The following NOP14 variants were observed in gnomAD, a reference collection of about 807,000 sequenced individuals.
NOP14 encodes NOP14 nucleolar protein.
A neutral mutation model predicts 101.6 loss-of-function variants in NOP14; 57 were observed. That is an observed-to-expected ratio of 0.56 (90% CI 0.45 to 0.70). The LOEUF (loss-of-function observed/expected upper bound fraction) is 0.70, where lower values mean the gene tolerates loss of function less well. NOP14 is among the 30% of genes least tolerant of loss of function. The pLI, the probability that NOP14 is intolerant of heterozygous loss-of-function variation, is 0.00. For synonymous variants in NOP14, 428 were observed against 424.0 expected (o/e 1.01, Z -0.12); for missense variants, 1,134 against 1,075.5 (o/e 1.05, Z -0.76).
chr4:2,953,833 C>A (rs1208629406), intron 4 of NOP14, among the ~76,000 whole-genome samples, 188 bp from the exon 5 acceptor site: 9 of 152,168 alleles, frequency 5.9e-5, no homozygotes, highest in African/African-American at 2.2e-4. Flanking sequence ...AGACGGAAAT[C>A]TTTTCCTGCC....
Position 2,950,101 on chromosome 4 carries a change from T to G in NOP14, c.1115A>C (p.Glu372Ala). The G allele has an allele frequency of 6.2e-7, 1 of 1,614,128 alleles. No homozygotes were observed. The highest frequency in any genetic ancestry group is 1.1e-5 in the South Asian group (1 of 91,082). ...CAAGTGGCTATCTGGGCTGTCGCTC[T>G]CCTCTGTGTCCTCCCCGCCTGAACT... Reference protein sequence around the residue: ...GDSSGGEDTEESDSPDSHLDL... With the variant: ...GDSSGGEDTEASDSPDSHLDL... The change falls in exon 8 of 18, where the codon GAG (glutamate) becomes GCG (alanine). Residue 372 changes from glutamate (E) to alanine (A), a missense_variant. By Grantham distance (107) the Glu-to-Ala change is moderately radical. Transcript: ENST00000416614.
Position 2,942,201 on chromosome 4 carries a change from T to C in NOP14, c.2042A>G (p.Asn681Ser). Residue 681 changes from asparagine to serine, a missense_variant, in exon 14 of 18, where the codon AAT becomes AGT. By Grantham distance (46) the Asn-to-Ser change is conservative (BLOSUM62 1). Transcript: ENST00000416614. ...GGGTCCCCTCACATACCGGATGTGA[T>C]TGGCCTCTGTCGAAGTTGGGGCCCT... Reference protein sequence around the residue: ...RLRAPTSTEANHIRLSCLAVG... With the variant: ...RLRAPTSTEASHIRLSCLAVG... 2 of 1,614,006 alleles carry C rather than the reference T, an allele frequency of 1.2e-6. No individual in the cohort carries two copies. The highest frequency in any genetic ancestry group is 1.7e-6 in the Non-Finnish European group (2 of 1,179,944).
intron 8 of NOP14, 48 bp downstream of exon 8, chr4:2,949,886 G>A (rs930179813): frequency 6.2e-7 from 1 of 1,607,808 alleles, no homozygotes. Context: ...CTATGGCCAG[G>A]TCATAAAGGT....
chr4:2,953,196 A>G (rs369049729), intron 5 of NOP14, among the ~76,000 whole-genome samples: 58 of 152,364 alleles, frequency 3.8e-4, no homozygotes, highest in African/African-American at 1.4e-3. Flanking sequence ...TATTAAATGT[A>G]TGTATTATGT....
rs1477876004 is a variant in NOP14, at chr4:2,949,977, T to A, written c.1239A>T (p.Arg413Ser). Residue 413 changes from arginine to serine, a missense_variant, in exon 8 of 18, where the codon AGA becomes AGT. Arg to Ser is a moderately radical substitution (Grantham distance 110). Transcript: ENST00000416614. Reference protein sequence around the residue: ...PGKGLISGKERAGKATRDELP... With the variant: ...PGKGLISGKESAGKATRDELP... ...GCTCGTCTCTGGTAGCTTTTCCAGC[T>A]CTTTCCTTGCCGCTTATCAACCCTT... 1 of 1,614,102 alleles carries A rather than the reference T, an allele frequency of 6.2e-7. No individual in the cohort carries two copies. The highest frequency in any genetic ancestry group is 2.2e-5 in the East Asian group (1 of 44,864).
chr4:2,943,705 A>G (rs1714399430), intron 13 of NOP14, among the ~76,000 whole-genome samples: 1 of 152,284 alleles, frequency 6.6e-6, no homozygotes, highest in African/African-American at 2.4e-5. Flanking sequence ...TGATTTTAAC[A>G]ATAGACCTTA....
rs76809068 is a variant in NOP14, at chr4:2,948,109, C to T, written c.1413+169G>A. 6.4e-3 allele frequency among the ~76,000 whole-genome samples: 968 copies of T among 152,364 alleles called. 5 individuals carry two copies. Among genetic ancestry groups the T allele is most frequent in the Admixed American group, 0.01 (159 of 15,306 alleles). ...GGCCAAAGCCAAGGGAGGCCTCTGCCGGTGCCATACCAAGTACTCCCAGCC... is the reference window on the plus strand; with the variant it reads ...GGCCAAAGCCAAGGGAGGCCTCTGCTGGTGCCATACCAAGTACTCCCAGCC... On this transcript the variant is annotated intron_variant, in intron 9 of 17. Transcript: ENST00000416614.
chr4:2,946,389 T>A (rs764433798), intron 11 of NOP14, 23 bp downstream of exon 11: 2 of 1,613,548 alleles, frequency 1.2e-6, no homozygotes, highest in Non-Finnish European at 1.7e-6. Context: ...GCAGGGGCAG[T>A]GCCTAGACTG....
chr4:2,950,980 A>T (rs1714989772), intron 7 of NOP14, 134 bp downstream of exon 7: 1 of 795,260 alleles, frequency 1.3e-6, no homozygotes, highest in Middle Eastern at 3.6e-4. Context: ...AAACACCCAG[A>T]TAAAGAACTT....
intron 8 of NOP14, among the ~76,000 whole-genome samples, chr4:2,949,714 C>T (rs1371557164): frequency 6.6e-6 from 1 of 152,136 alleles, no homozygotes; most frequent in Non-Finnish European, 1.5e-5. Context: ...GCGCATCTGG[C>T]CCATCGGGGG....
chr4:2,955,346 G>A (rs1253534627), intron 3 of NOP14, among the ~76,000 whole-genome samples: 9 of 60,620 alleles, frequency 1.5e-4, no homozygotes, highest in African/African-American at 6.2e-4. Context: ...TGCACGCCAC[G>A]GCGCCCCCTC....
intron 13 of NOP14, among the ~76,000 whole-genome samples, chr4:2,943,704 C>T (rs1714399220): frequency 6.6e-6 from 1 of 152,254 alleles, no homozygotes. Context: ...TTGATTTTAA[C>T]AATAGACCTT....
intron 1 of NOP14, among the ~76,000 whole-genome samples, chr4:2,961,097 A>G (rs1302936203): frequency 1.0e-4 from 4 of 39,126 alleles, no homozygotes; most frequent in African/African-American, 2.1e-4. Flanking sequence ...ATAATAATAT[A>G]TTAATATTTT....
Position 2,957,640 on chromosome 4 carries a change from T to TC in NOP14, c.295dup (p.Glu99GlyfsTer16). The TC allele has an allele frequency of 6.2e-7, 1 of 1,614,184 alleles. No homozygotes were observed. Among genetic ancestry groups the TC allele is most frequent in the Non-Finnish European group, 8.5e-7 (1 of 1,180,022 alleles). ...CAGAGCAAACCTCTTCATCATCTTC[T>TC]CCTCGGGGCTCATGTTGCTGTTGTA... On this transcript the variant is annotated frameshift_variant, in exon 2 of 18. Transcript: ENST00000416614. LOFTEE classifies it high-confidence loss of function.
At chr4:2,946,385 G>A (rs753142461) in intron 11 of NOP14, 27 bp downstream of exon 11, 1 of 1,612,632 alleles carries the variant, frequency 6.2e-7, no homozygotes, top group East Asian at 2.2e-5. Flanking sequence ...TGTGGCAGGG[G>A]CAGTGCCTAG....
rs759363051 is a variant in NOP14 at position 2,957,844 on chromosome 4, A to G, written c.196-104T>C. The G allele has an allele frequency of 4.5e-5, 53 of 1,175,370 alleles. No individual in the cohort carries two copies. The Middle Eastern group carries it at 1.1e-3, about 24-fold the overall frequency. The allele number at this position is 1,175,370 out of a possible 1,614,324, so 72.8% of individuals were successfully genotyped here. A position where few individuals can be genotyped will look rare whatever the true frequency, so the allele number is the denominator to read the frequency against. ...TTAAAGTTCAGGGCTATGCACAGTGATGTCAAAGTTCACACCCAATCTGCT... is the reference window on the plus strand; with the variant it reads ...TTAAAGTTCAGGGCTATGCACAGTGGTGTCAAAGTTCACACCCAATCTGCT... On this transcript the variant is annotated intron_variant, in intron 1 of 17. Transcript: ENST00000416614.
Position 2,938,161 on chromosome 4 carries a change from CA to C in NOP14, c.*669del. ...TCATCAGGTGACGTTTTAACAGAAA[CA>C]AAACCGCAGGCAGCGGGTGGGGGGA... On this transcript the variant is annotated 3_prime_UTR_variant, in exon 18 of 18. Coordinates refer to ENST00000416614, the MANE Select transcript of NOP14 (RefSeq NM_001291978.2). 6 of 1,280,862 alleles carry C rather than the reference CA, an allele frequency of 4.7e-6. No individual in the cohort carries two copies. The highest frequency in any genetic ancestry group is 6.1e-6 in the Non-Finnish European group (6 of 984,392). The allele number at this position is 1,280,862 out of a possible 1,614,324, so 79.3% of individuals were successfully genotyped here. A position where few individuals can be genotyped will look rare whatever the true frequency, so the allele number is the denominator to read the frequency against.
intron 3 of NOP14, among the ~76,000 whole-genome samples, chr4:2,955,903 A>G (rs1715319056): frequency 6.6e-6 from 1 of 152,204 alleles, no homozygotes; most frequent in South Asian, 2.1e-4. Context: ...AAATATCAGA[A>G]GGCAGCCCCA....
intron 10 of NOP14, 39 bp downstream of exon 10, chr4:2,947,487 T>C (rs1394209609): frequency 7.2e-7 from 1 of 1,382,726 alleles, no homozygotes; most frequent in Non-Finnish European, 1.0e-6. Flanking sequence ...ATTGTTCTGC[T>C]TAACCCCACA....
Sources: allele counts gnomAD v4.1 joint callset (sites outside exome capture counted in the v4.1 genomes callset), GRCh38; gene constraint gnomAD v4.1.1; transcripts MANE v1.5; gene names NCBI Gene and HGNC (gene_info 2026-07-23, HGNC 2026-07-21).